Variants in DDAH1 observed in about 807,000 individuals in gnomAD.
DDAH1 encodes dimethylarginine dimethylaminohydrolase 1, also known as N(G),N(G)-dimethylarginine dimethylaminohydrolase 1.
DDAH1 carries 19 observed loss-of-function variants against 28.8 expected under a neutral mutation model. The ratio of observed to expected loss-of-function variants is 0.66; its 90% CI spans 0.46 to 0.97. DDAH1 has a LOEUF of 0.97. DDAH1 is among the 50% of genes least tolerant of loss of function. DDAH1 has a pLI of 0.00. For synonymous variants in DDAH1, 153 were observed against 154.4 expected, an observed-to-expected ratio of 0.99 and a Z score of 0.07; for missense variants, 326 against 375.9, an observed-to-expected ratio of 0.87 and a Z score of 1.10.
At chr1:85,346,736 T>C (rs921382112) in intron 4 of DDAH1, among the ~76,000 whole-genome samples, 7 of 131,920 alleles carry the variant, frequency 5.3e-5, no homozygotes, top group African/African-American at 1.9e-4. Flanking sequence ...TATATTTCTA[T>C]GTTAGTTAGC....
At chr1:85,465,326 G>C, upstream of DDAH1, 1 of 549,420 alleles carries the variant, frequency 1.8e-6, no homozygotes, top group Non-Finnish European at 2.3e-6. Context: ...CGAGGAGTGG[G>C]GCCAGGAGAG....
chr1:85,536,161 C>T (rs1363782267), intron 1 of DDAH1, among the ~76,000 whole-genome samples: 17 of 151,682 alleles, frequency 1.1e-4, no homozygotes, highest in African/African-American at 4.1e-4. Flanking sequence ...TGCTTGAACC[C>T]AGGAGGCAGA....
rs1652299721 is a variant in DDAH1 at position 85,404,321 on chromosome 1, G to A, written c.304-45474C>T. 11 of 1,506,236 alleles carry A rather than the reference G, an allele frequency of 7.3e-6. No individual in the cohort carries two copies. In the South Asian group the frequency reaches 1.4e-4, roughly 19 times the overall value. 93.3% of individuals were successfully genotyped at this position (1,506,236 alleles called of 1,614,324 possible). On this transcript the variant is annotated intron_variant, in intron 1 of 5. Coordinates refer to ENST00000284031, the MANE Select transcript of DDAH1 (RefSeq NM_012137.4). ...TGAAACTTCTGCCTGTAGGATTGCA[G>A]TTGACAAAGCCTGAAAGACCACATT...
intron 1 of DDAH1, among the ~76,000 whole-genome samples, chr1:85,437,425 C>T (rs992350346): frequency 9.9e-5 from 15 of 152,208 alleles, no homozygotes; most frequent in East Asian, 3.9e-4. Context: ...ACAGCAAGAT[C>T]GACCCCTCCT....
At chr1:85,514,153 C>G (rs906230811) in intron 1 of DDAH1, among the ~76,000 whole-genome samples, 2 of 152,140 alleles carry the variant, frequency 1.3e-5, no homozygotes, top group African/African-American at 4.8e-5. Context: ...CACATATACA[C>G]CATGGATTAA....
At chr1:85,431,759 T>C (rs1195734738) in intron 1 of DDAH1, among the ~76,000 whole-genome samples, 1 of 152,192 alleles carries the variant, frequency 6.6e-6, no homozygotes, top group Admixed American at 6.5e-5. Flanking sequence ...CTTGGAGATA[T>C]AAGCAATATT....
chr1:85,383,604 A>C (rs1205376167), intron 1 of DDAH1, among the ~76,000 whole-genome samples: 1 of 152,236 alleles, frequency 6.6e-6, no homozygotes, highest in Admixed American at 6.5e-5. Flanking sequence ...GTAAAATGCT[A>C]TCAAACAGCA....
At chr1:85,421,876 T>C (rs1379655997) in intron 1 of DDAH1, among the ~76,000 whole-genome samples, 2 of 152,246 alleles carry the variant, frequency 1.3e-5, no homozygotes, top group African/African-American at 4.8e-5. Flanking sequence ...TTGGTGATTA[T>C]GAATAAAGCT....
Position 85,369,103 on chromosome 1 carries a change from C to T in DDAH1, c.304-10256G>A, listed in dbSNP as rs144824354. ...TGAGACAGGGTCTCACTCTGTCCTCCAGGCTGGAGTGCAGTGGTGCCATCA... is the reference window on the plus strand; with the variant it reads ...TGAGACAGGGTCTCACTCTGTCCTCTAGGCTGGAGTGCAGTGGTGCCATCA... On this transcript the variant is annotated intron_variant, in intron 1 of 5. Coordinates refer to ENST00000284031, the MANE Select transcript of DDAH1 (RefSeq NM_012137.4). Among the ~76,000 whole-genome samples, 522 of 145,568 alleles carry T rather than the reference C, an allele frequency of 3.6e-3. 2 individuals are homozygous for T. Among genetic ancestry groups the T allele is most frequent in the African/African-American group, 0.012 (477 of 38,966 alleles).
At chr1:85,346,022 A>G (rs1648819305) in intron 4 of DDAH1, among the ~76,000 whole-genome samples, 3 of 152,248 alleles carry the variant, frequency 2.0e-5, no homozygotes, top group South Asian at 2.1e-4. Context: ...GATGATCTCC[A>G]TAAGAATCCA....
At chr1:85,504,186 C>T in intron 1 of DDAH1, among the ~76,000 whole-genome samples, 1 of 152,176 alleles carries the variant, frequency 6.6e-6, no homozygotes, top group Non-Finnish European at 1.5e-5. Flanking sequence ...GGCTCTATAA[C>T]TCCACGAAAT....
intron 1 of DDAH1, among the ~76,000 whole-genome samples, chr1:85,577,652 A>T (rs76014706): frequency 0.038 from 5,827 of 151,556 alleles, 415 homozygotes; most frequent in African/African-American, 0.13. Context: ...CCTCCAGGCG[A>T]CTCGGATGCA....
At chr1:85,561,367 A>T (rs1203807408) in intron 1 of DDAH1, among the ~76,000 whole-genome samples, 2 of 152,090 alleles carry the variant, frequency 1.3e-5, no homozygotes, top group Non-Finnish European at 2.9e-5. Flanking sequence ...CCAAAGAGAT[A>T]AAAAATACAG....
intron 2 of DDAH1, among the ~76,000 whole-genome samples, chr1:85,354,522 T>A (rs545411769): frequency 2.9e-5 from 4 of 136,144 alleles, no homozygotes; most frequent in African/African-American, 9.9e-5. Flanking sequence ...AAAAAGAAAA[T>A]CTCTCCTCAA....
chr1:85,343,085 G>A (rs1648607834), intron 4 of DDAH1, among the ~76,000 whole-genome samples: 1 of 152,096 alleles, frequency 6.6e-6, no homozygotes, highest in Non-Finnish European at 1.5e-5. Context: ...ATATCCTATA[G>A]AGTCAGTTTA....
chr1:85,465,149 C>G lies in DDAH1; in HGVS notation c.-104G>C, dbSNP rs1370951312. The G allele has an allele frequency of 5.3e-5, 61 of 1,159,340 alleles. No individual in the cohort carries two copies. The highest frequency in any genetic ancestry group is 5.8e-5 in the Non-Finnish European group (55 of 942,326). The allele number at this position is 1,159,340 out of a possible 1,614,324, so 71.8% of individuals were successfully genotyped here. A position where few individuals can be genotyped will look rare whatever the true frequency, so the allele number is the denominator to read the frequency against. On this transcript the variant is annotated 5_prime_UTR_variant, in exon 1 of 6. Transcript: ENST00000284031. Reference sequence around the variant, plus strand: ...AGCGCCCGTCGGCTCCTCTTGGCAGCCGCTGAATGTGGTGCAGAAGGAGCC... The same window carrying G: ...AGCGCCCGTCGGCTCCTCTTGGCAGGCGCTGAATGTGGTGCAGAAGGAGCC...
chr1:85,477,516 G>A (rs1425261731), intron 2 of DDAH1, among the ~76,000 whole-genome samples: 2 of 152,034 alleles, frequency 1.3e-5, no homozygotes, highest in South Asian at 4.2e-4. Context: ...ACACATCCTG[G>A]TGGTTATTAT....
At position 85,567,629 on chromosome 1, in the gene DDAH1, TGAAA is replaced by T. The variant is rs562458505; in HGVS notation, c.-123+10351_-123+10354del. Among the ~76,000 whole-genome samples the T allele has an allele frequency of 5.1e-4, 77 of 152,302 alleles. 2 individuals carry two copies. The Middle Eastern group carries it at 0.01, about 20-fold the overall frequency. ...GCGTGAAAACAGACTAATTATGAAA[TGAAA>T]GAGTCATTTCAGAATCACAGATGAG... On this transcript the variant is annotated intron_variant, in intron 1 of 6. Transcript: ENST00000426972.
At chr1:85,527,378 A>G (rs1479149657) in intron 1 of DDAH1, among the ~76,000 whole-genome samples, 10 of 152,178 alleles carry the variant, frequency 6.6e-5, no homozygotes, top group African/African-American at 1.9e-4. Context: ...TAAGAAACCA[A>G]CCTTTTCAGG....
Sources: allele counts gnomAD v4.1 joint callset (sites outside exome capture counted in the v4.1 genomes callset), GRCh38; gene constraint gnomAD v4.1.1; transcripts MANE v1.5; gene names NCBI Gene and HGNC (gene_info 2026-07-23, HGNC 2026-07-21).